ARFGEF2: variants seen among roughly 807,000 people sequenced by gnomAD.
The protein encoded by ARFGEF2 is ARF guanine nucleotide exchange factor 2, also known as brefeldin A-inhibited guanine nucleotide-exchange protein 2.
ARFGEF2 carries 74 observed loss-of-function variants against 219.9 expected under a neutral mutation model. The observed-to-expected ratio is 0.34, with a 90% confidence interval of 0.28 to 0.41. ARFGEF2 has a LOEUF of 0.41. Among genes scored for constraint, ARFGEF2 ranks in the 10% least tolerant of loss-of-function variants. The pLI is 1.00. For synonymous variants in ARFGEF2, 733 were observed against 799.2 expected, an observed-to-expected ratio of 0.92 and a Z score of 1.40; for missense variants, 1,743 against 2,218.3, an observed-to-expected ratio of 0.79 and a Z score of 4.30.
rs1440563936 is a variant in ARFGEF2 at position 48,938,751 on chromosome 20, G to GA, written c.122-2443dup. Among the ~76,000 whole-genome samples the GA allele has an allele frequency of 5.3e-5, 8 of 152,178 alleles. No individual in the cohort carries two copies. In the East Asian group the frequency reaches 1.5e-3, roughly 29 times the overall value. The stretch of plus-strand genomic sequence containing the variant: ...CTTAAAATCTGGATTTCGACCTCTG[G>GA]AAAAATCAGAACAACTAGCACCTGT... On this transcript the variant is annotated intron_variant, in intron 1 of 38. Coordinates refer to ENST00000371917, the MANE Select transcript of ARFGEF2 (RefSeq NM_006420.3).
intron 11 of ARFGEF2, 116 bp downstream of exon 11, chr20:48,972,541 C>G (rs889216812): frequency 9.4e-6 from 8 of 851,102 alleles, no homozygotes; most frequent in Non-Finnish European, 1.6e-5. Context: ...CAATAAAAGG[C>G]TAATTCTAAC....
At chr20:48,924,164 T>A (rs755541537) in intron 1 of ARFGEF2, among the ~76,000 whole-genome samples, 13 of 152,216 alleles carry the variant, frequency 8.5e-5, no homozygotes, top group Non-Finnish European at 1.6e-4. Flanking sequence ...CCTGGTGATA[T>A]TTCTCTCTGT....
At chr20:48,993,855 A>G (rs747420239) in intron 21 of ARFGEF2, among the ~76,000 whole-genome samples, 1 of 152,226 alleles carries the variant, frequency 6.6e-6, no homozygotes, top group Non-Finnish European at 1.5e-5. Context: ...CAACAACTTT[A>G]AGTGCCAGGG....
intron 1 of ARFGEF2, among the ~76,000 whole-genome samples, chr20:48,922,483 C>T (rs910751691): frequency 6.6e-6 from 1 of 152,168 alleles, no homozygotes; most frequent in African/African-American, 2.4e-5. Context: ...GTTTGGGGAT[C>T]TCCCATAGCT....
intron 1 of ARFGEF2, among the ~76,000 whole-genome samples, chr20:48,930,702 A>G (rs1351937644): frequency 2.0e-5 from 3 of 152,072 alleles, no homozygotes; most frequent in Non-Finnish European, 4.4e-5. Flanking sequence ...GGACATGTGA[A>G]ATGGGAAGTG....
chr20:48,953,711 T>A lies in ARFGEF2; in HGVS notation c.759T>A (p.Gly253=). ...TTPEKTDLTN[G]EHARSDSGKV... ...CCGAAAAAACAGATTTAACCAACGGTGAACATGCCAGGAGTGATTCTGGAA... is the reference window on the plus strand; with the variant it reads ...CCGAAAAAACAGATTTAACCAACGGAGAACATGCCAGGAGTGATTCTGGAA... Residue 253 remains glycine (G), a synonymous_variant, in exon 6 of 39, where the codon GGT becomes GGA. Transcript: ENST00000371917. The A allele has an allele frequency of 6.2e-7, 1 of 1,614,020 alleles. No individual in the cohort carries two copies. The highest frequency in any genetic ancestry group is 8.5e-7 in the Non-Finnish European group (1 of 1,180,024).
At chr20:48,977,178 G>A (rs1316301297) in intron 14 of ARFGEF2, among the ~76,000 whole-genome samples, 1 of 149,572 alleles carries the variant, frequency 6.7e-6, no homozygotes, top group African/African-American at 2.5e-5. Flanking sequence ...CCCGCCCTGT[G>A]TCTGAGTGTT....
chr20:48,984,655 A>G (rs1258243026), intron 14 of ARFGEF2, 74 bp from the exon 15 acceptor site: 5 of 1,557,604 alleles, frequency 3.2e-6, no homozygotes, highest in Non-Finnish European at 4.4e-6. Flanking sequence ...ATTATTATTT[A>G]TCTCAAATAC....
intron 6 of ARFGEF2, among the ~76,000 whole-genome samples, chr20:48,958,865 A>G (rs921937825): frequency 6.6e-6 from 1 of 152,144 alleles, no homozygotes; most frequent in African/African-American, 2.4e-5. Context: ...GGCACCTCGC[A>G]TTTGGCCCCA....
At chr20:48,938,025 C>G (rs377199005) in intron 1 of ARFGEF2, among the ~76,000 whole-genome samples, 28 of 152,206 alleles carry the variant, frequency 1.8e-4, no homozygotes, top group Admixed American at 4.6e-4. Context: ...CAGAGTAATT[C>G]CATATGCTTG....
In ARFGEF2 at chr20:49,036,468, T is replaced by C. The variant is rs1168534155; in HGVS notation, c.*3269T>C. The C allele has an allele frequency of 5.3e-6, 2 of 379,656 alleles. No homozygotes were observed. The highest frequency in any genetic ancestry group is 9.3e-6 in the Non-Finnish European group (2 of 215,046). 23.5% of individuals were successfully genotyped at this position (379,656 alleles called of 1,614,324 possible). A position where few individuals can be genotyped will look rare whatever the true frequency, so the allele number is the denominator to read the frequency against. Reference sequence around the variant, plus strand: ...CTTAAAATGCCTAAAAGTTAGTTAATAGTTACTTTGGTTTAACCTATACAC... The same window carrying C: ...CTTAAAATGCCTAAAAGTTAGTTAACAGTTACTTTGGTTTAACCTATACAC... On this transcript the variant is annotated 3_prime_UTR_variant, in exon 39 of 39. Coordinates refer to ENST00000371917, the MANE Select transcript of ARFGEF2 (RefSeq NM_006420.3).
In ARFGEF2 at chr20:48,969,262, G is replaced by A; in HGVS notation, c.1175G>A (p.Gly392Asp). 6.2e-7 allele frequency: 1 copy of A among 1,614,222 alleles called. No individual in the cohort carries two copies. Among genetic ancestry groups the A allele is most frequent in the Non-Finnish European group, 8.5e-7 (1 of 1,180,034 alleles). ...CTGTCCATGAAACCCCTTGGTGAAGGCCCTCCAGACCCAAAGTAAGCAGAC... is the reference window on the plus strand; with the variant it reads ...CTGTCCATGAAACCCCTTGGTGAAGACCCTCCAGACCCAAAGTAAGCAGAC... Reference protein sequence around the residue: ...CKLSMKPLGEGPPDPKSHELR... With the variant: ...CKLSMKPLGEDPPDPKSHELR... Residue 392 changes from glycine (G) to aspartate (D), a missense_variant, in exon 9 of 39, where the codon GGC becomes GAC. Gly to Asp is a moderately conservative substitution (Grantham distance 94, BLOSUM62 -1). Around this residue, in one of 5 missense-constraint regions of ARFGEF2, gnomAD observed 666 missense variants for 955.4 expected, o/e 0.70. Transcript: ENST00000371917.
chr20:48,959,564 TCCCTCCCTCC>T (rs2091131764), intron 6 of ARFGEF2, among the ~76,000 whole-genome samples: 2 of 29,662 alleles, frequency 6.7e-5, no homozygotes, highest in Admixed American at 5.1e-4. Context: ...CTTCCCTCCC[TCCCTCCCTCC>T]TTCCTTCCCT....
chr20:48,993,180 G>A (rs922715774), intron 21 of ARFGEF2, among the ~76,000 whole-genome samples: 2 of 152,192 alleles, frequency 1.3e-5, no homozygotes, highest in Non-Finnish European at 2.9e-5. Flanking sequence ...AGCCTGGGAG[G>A]TATTATCAAT....
intron 6 of ARFGEF2, 112 bp from the exon 7 acceptor site, chr20:48,963,718 T>C (rs1378993423): frequency 1.9e-6 from 2 of 1,059,230 alleles, no homozygotes; most frequent in African/African-American, 1.6e-5. Context: ...GGAGAACTTA[T>C]TTGCACCCTT....
At chr20:48,986,726 G>T (rs147580800) in intron 16 of ARFGEF2, among the ~76,000 whole-genome samples, 91 of 152,196 alleles carry the variant, frequency 6.0e-4, no homozygotes, top group African/African-American at 2.1e-3. Flanking sequence ...TTGAGACAGG[G>T]TCTTGCTCTC....
In ARFGEF2 at chr20:49,017,478, C is replaced by T. The variant is rs938063074; in HGVS notation, c.4455-18C>T. On this transcript the variant is annotated intron_variant, in intron 32 of 38. Coordinates refer to ENST00000371917, the MANE Select transcript of ARFGEF2 (RefSeq NM_006420.3). Reference sequence around the variant, plus strand: ...GCCTTTCACATTGATTATTTTTTTTCTCTATTTTTTTCTTCAGTTTGCTGA... The same window carrying T: ...GCCTTTCACATTGATTATTTTTTTTTTCTATTTTTTTCTTCAGTTTGCTGA... 40 of 1,589,962 alleles carry T rather than the reference C, an allele frequency of 2.5e-5. No homozygotes were observed. The highest frequency in any genetic ancestry group is 3.3e-5 in the Non-Finnish European group (38 of 1,160,778).
chr20:48,961,083 TATA>T lies in ARFGEF2; in HGVS notation c.839-2720_839-2718del, dbSNP rs371551603. Among the ~76,000 whole-genome samples the T allele has an allele frequency of 2.3e-3, 328 of 144,006 alleles. 1 individual carries two copies. Among genetic ancestry groups the T allele is most frequent in the East Asian group, 6.6e-3 (31 of 4,722 alleles). The allele number at this position is 144,006 out of a possible 152,430, so 94.5% of individuals were successfully genotyped here. A position where few individuals can be genotyped will look rare whatever the true frequency, so the allele number is the denominator to read the frequency against. On this transcript the variant is annotated intron_variant, in intron 6 of 38. Transcript: ENST00000371917. ...AACAGAGCGAGACTCTGTCTCAAAA[TATA>T]ATAATAATAATAATAATAATAATAA... is the stretch of plus-strand genomic sequence containing the variant.
At chr20:48,941,702 T>A (rs542687209) in intron 2 of ARFGEF2, among the ~76,000 whole-genome samples, 162 bp from the exon 3 acceptor site, 161 of 152,356 alleles carry the variant, frequency 1.1e-3, no homozygotes, top group Non-Finnish European at 1.5e-3. Context: ...ATGTGGCACT[T>A]CAGTGGTGTT....
Sources: gnomAD v4.1 joint callset for allele counts (sites outside exome capture counted in the v4.1 genomes callset) on GRCh38, gnomAD v4.1.1 for gene constraint, gnomAD v4.1.1 regional missense constraint, MANE v1.5 for transcripts, NCBI Gene and HGNC (gene_info 2026-07-23, HGNC 2026-07-21) for gene names.